PRUNE2: variants seen among roughly 807,000 people sequenced by gnomAD.
PRUNE2 encodes protein prune homolog 2.
Under a neutral mutation model 252.0 loss-of-function variants are expected in PRUNE2, and 164 were observed. The observed-to-expected ratio is 0.65, with a 90% CI of 0.57 to 0.74. The LOEUF is 0.74. Among genes scored for constraint, PRUNE2 ranks in the 30% least tolerant of loss-of-function variants. The probability of loss-of-function intolerance (pLI) is 0.00; values close to 1 mark genes in which losing one functional copy is unlikely to be tolerated. For synonymous variants in PRUNE2, 1,292 were observed against 1,350.2 expected (o/e 0.96, Z 0.94); for missense variants, 3,495 against 3,711.0 (o/e 0.94, Z 1.51).
intron 6 of PRUNE2, among the ~76,000 whole-genome samples, chr9:76,804,266 T>C (rs2056775376): frequency 6.6e-6 from 1 of 152,206 alleles, no homozygotes; most frequent in South Asian, 2.1e-4. Context: ...CGGGCCTCTC[T>C]TTGGCGGGCT....
chr9:76,872,636 CACACACA>C (rs2061279039), intron 1 of PRUNE2, among the ~76,000 whole-genome samples: 6 of 151,676 alleles, frequency 4.0e-5, no homozygotes, highest in African/African-American at 7.3e-5. Context: ...CACACACACA[CACACACA>C]CCCTCACACC....
At chr9:76,768,621 GTGTA>G (rs200202851) in intron 6 of PRUNE2, among the ~76,000 whole-genome samples, 6,136 of 146,794 alleles carry the variant, frequency 0.042, 133 homozygotes, top group East Asian at 0.085. Flanking sequence ...GTGTGTGTGT[GTGTA>G]TATCCCTGCT....
At chr9:76,874,370 G>C (rs1382016049) in intron 1 of PRUNE2, among the ~76,000 whole-genome samples, 1 of 152,162 alleles carries the variant, frequency 6.6e-6, no homozygotes. Flanking sequence ...GCATGTTGGG[G>C]AGTCTAATGC....
At chr9:76,674,061 G>T (rs1068123) in intron 9 of PRUNE2, among the ~76,000 whole-genome samples, 134,633 of 151,112 alleles carry the variant, frequency 0.89, 61,394 homozygotes, top group Non-Finnish European at 0.99. Flanking sequence ...CCAGGGCAAT[G>T]AGGCAGGAGA....
At chr9:76,714,348 T>C (rs1462008930) in intron 6 of PRUNE2, among the ~76,000 whole-genome samples, 1 of 152,194 alleles carries the variant, frequency 6.6e-6, no homozygotes, top group Non-Finnish European at 1.5e-5. Flanking sequence ...TCATATCATT[T>C]GCAAAAATGT....
chr9:76,742,829 G>A (rs1414580105), intron 6 of PRUNE2, among the ~76,000 whole-genome samples: 1 of 152,146 alleles, frequency 6.6e-6, no homozygotes, highest in Non-Finnish European at 1.5e-5. Context: ...AGATTTTAAA[G>A]GGAGAAAAAG....
At position 76,713,867 on chromosome 9, in the gene PRUNE2, G is replaced by A. The variant is rs538571592; in HGVS notation, c.757-146C>T. ...GAAATACAGTTTGCTTTGAGAAGGA[G>A]TGGAAACTTTCATGCTATGGCTTAA... On this transcript the variant is annotated intron_variant, in intron 6 of 18. Coordinates refer to ENST00000376718, the MANE Select transcript of PRUNE2 (RefSeq NM_015225.3). 1.1e-5 allele frequency: 6 copies of A among 526,004 alleles called. No homozygotes were observed. The East Asian group carries it at 2.0e-4, about 17-fold the overall frequency. 32.6% of individuals were successfully genotyped at this position (526,004 alleles called of 1,614,324 possible). A position where few individuals can be genotyped will look rare whatever the true frequency, so the allele number is the denominator to read the frequency against.
chr9:76,709,155 T>C lies in PRUNE2; in HGVS notation c.3119A>G (p.Asn1040Ser). 6.2e-7 allele frequency: 1 copy of C among 1,613,968 alleles called. No homozygotes were observed. Among genetic ancestry groups the C allele is most frequent in the Non-Finnish European group, 8.5e-7 (1 of 1,179,892 alleles). Residue 1040 changes from asparagine to serine, a missense_variant, in exon 8 of 19, where the codon AAC becomes AGC. Transcript: ENST00000376718. ...LDMWASPHTD[N>S]SSEINTTHNL... ...GTGAGTGGTATTTATTTCAGAACTG[T>C]TATCTGTATGAGGTGAAGCCCACAT... is the stretch of plus-strand genomic sequence containing the variant.
At chr9:76,884,009 C>T (rs1455840023) in intron 1 of PRUNE2, among the ~76,000 whole-genome samples, 2 of 152,164 alleles carry the variant, frequency 1.3e-5, no homozygotes, top group African/African-American at 2.4e-5. Context: ...AGTGTGTATG[C>T]AATAAACAGC....
At chr9:76,761,466 C>G (rs2051723687) in intron 6 of PRUNE2, among the ~76,000 whole-genome samples, 1 of 152,166 alleles carries the variant, frequency 6.6e-6, no homozygotes, top group Admixed American at 6.5e-5. Context: ...GGCCTTTAAT[C>G]CCCAAATAAC....
intron 1 of PRUNE2, among the ~76,000 whole-genome samples, chr9:76,887,482 T>G (rs888041393): frequency 2.6e-5 from 4 of 152,196 alleles, no homozygotes; most frequent in African/African-American, 7.2e-5. Flanking sequence ...CTTTCCTTCC[T>G]GTAAATGACA....
Position 76,706,300 on chromosome 9 carries a change from C to T in PRUNE2, c.5974G>A (p.Gly1992Ser), listed in dbSNP as rs767033941. 3 of 1,613,924 alleles carry T rather than the reference C, an allele frequency of 1.9e-6. No individual in the cohort carries two copies. Among genetic ancestry groups the T allele is most frequent in the Non-Finnish European group, 1.7e-6 (2 of 1,179,856 alleles). The stretch of plus-strand genomic sequence containing the variant: ...TGTTCCCACTGATTTGTTTCTTGAC[C>T]TTCATTAGTTGAAACATTAGATGTA... Reference protein sequence around the residue: ...CVTSNVSTNEGQETNQWEQEK... With the variant: ...CVTSNVSTNESQETNQWEQEK... Residue 1992 changes from glycine to serine, a missense_variant, in exon 8 of 19, where the codon GGT becomes AGT. Transcript: ENST00000376718.
At chr9:76,649,233 T>A (rs569928174) in intron 11 of PRUNE2, among the ~76,000 whole-genome samples, 68 of 152,350 alleles carry the variant, frequency 4.5e-4, no homozygotes, top group African/African-American at 1.4e-3. Flanking sequence ...ATGCCACTTA[T>A]CTGTTACTGT....
At chr9:76,804,164 T>C (rs1031393945) in intron 6 of PRUNE2, among the ~76,000 whole-genome samples, 9 of 152,320 alleles carry the variant, frequency 5.9e-5, no homozygotes, top group South Asian at 2.1e-4. Context: ...TACACCCCAC[T>C]GTGACGCCAG....
rs1833801395 is a variant in PRUNE2, at chr9:76,624,453, T to G, written c.9187A>C (p.Lys3063Gln). ...CGCTAAACGAAAACCAAGTCTTACT[T>G]AGCTGCCTCTGATGCTTCCCTCAGT... ...EELREASEAA[K>Q]TSCLYNDPEM... The change falls in exon 17 of 19, where the codon AAA becomes CAA. Residue 3063 changes from lysine to glutamine, a missense_variant and splice_region_variant. Coordinates refer to ENST00000376718, the MANE Select transcript of PRUNE2 (RefSeq NM_015225.3). The G allele has an allele frequency of 7.0e-7, 1 of 1,427,092 alleles. No homozygotes were observed. The highest frequency in any genetic ancestry group is 1.7e-5 in the South Asian group (1 of 58,508). The allele number at this position is 1,427,092 out of a possible 1,614,324, so 88.4% of individuals were successfully genotyped here.
At chr9:76,796,558 G>A (rs1001202259) in intron 6 of PRUNE2, among the ~76,000 whole-genome samples, 1 of 152,186 alleles carries the variant, frequency 6.6e-6, no homozygotes, top group Non-Finnish European at 1.5e-5. Context: ...CACACAACCT[G>A]TTTTACTATA....
At chr9:76,783,455 G>A (rs1486075138) in intron 6 of PRUNE2, among the ~76,000 whole-genome samples, 7 of 152,110 alleles carry the variant, frequency 4.6e-5, no homozygotes, top group African/African-American at 1.4e-4. Context: ...TGACCTGTGG[G>A]ATCTCTAGAG....
At chr9:76,619,648 T>G (rs1297180828) in intron 17 of PRUNE2, among the ~76,000 whole-genome samples, 3 of 152,236 alleles carry the variant, frequency 2.0e-5, no homozygotes, top group African/African-American at 7.2e-5. Flanking sequence ...TGTCCTCATT[T>G]TTCCCTGCCT....
At chr9:76,671,267 A>G (rs1335674295) in intron 9 of PRUNE2, among the ~76,000 whole-genome samples, 1 of 147,678 alleles carries the variant, frequency 6.8e-6, no homozygotes, top group African/African-American at 2.5e-5. Flanking sequence ...CAGAAGCCTC[A>G]GGAGCCGATG....
Sources: allele counts gnomAD v4.1 joint callset (sites outside exome capture counted in the v4.1 genomes callset), GRCh38; gene constraint gnomAD v4.1.1; transcripts MANE v1.5; gene names NCBI Gene and HGNC (gene_info 2026-07-23, HGNC 2026-07-21).